Variants in MUC6 observed in about 807,000 individuals in gnomAD.
MUC6 encodes the protein mucin 6, oligomeric mucus/gel-forming (gene/pseudogene).
A neutral mutation model predicts 201.5 loss-of-function variants in MUC6; 188 were observed. The observed-to-expected ratio is 0.93, with a 90% CI of 0.83 to 1.05. MUC6 has a LOEUF of 1.05. Among genes scored for constraint, MUC6 ranks in the 50% least tolerant of loss-of-function variants. The probability of loss-of-function intolerance (pLI) is 0.00; values close to 1 mark genes in which losing one functional copy is unlikely to be tolerated. For synonymous variants in MUC6, 1,228 were observed against 1,389.4 expected (o/e 0.88, Z 2.58); for missense variants, 2,706 against 3,256.9 (o/e 0.83, Z 4.12).
At position 1,029,961 on chromosome 11, in the gene MUC6, G is replaced by A. The variant is rs180973649; in HGVS notation, c.1015+252C>T. ...CCCGGCTCAAACCCTGCCTTCCCTC[G>A]GCAGCTCCTAGACCGCAGTGAGCAG... On this transcript the variant is annotated intron_variant, in intron 8 of 32. Coordinates refer to ENST00000421673, the MANE Select transcript of MUC6 (RefSeq NM_005961.3). Among the ~76,000 whole-genome samples, 65 of 152,332 alleles carry A rather than the reference G, an allele frequency of 4.3e-4. 1 individual carries two copies. In the East Asian group the frequency reaches 0.012, roughly 28 times the overall value.
Position 1,031,882 on chromosome 11 carries a change from C to T in MUC6, c.287G>A (p.Arg96Gln), listed in dbSNP as rs750901463. Residue 96 changes from arginine to glutamine, a missense_variant, in exon 3 of 33, where the codon CGG (arginine) becomes CAG (glutamine). Transcript: ENST00000421673. ...GGAGGCCCCCAGCTCCACGATGATC[C>T]GCGAGATGCTCCCGTCTGGGCCTCG... is the stretch of plus-strand genomic sequence containing the variant. ...LRRGPDGSIS[R>Q]IIVELGASVV... is the part of the protein sequence containing the mutation. 2.9e-5 allele frequency: 47 copies of T among 1,612,876 alleles called. No individual in the cohort carries two copies. The highest frequency in any genetic ancestry group is 3.5e-5 in the Non-Finnish European group (41 of 1,179,890).
At chr11:1,014,042 A>G (rs1856544553) in intron 31 of MUC6, 41 bp from the exon 32 acceptor site, 7 of 1,539,764 alleles carry the variant, frequency 4.5e-6, no homozygotes, top group Non-Finnish European at 6.2e-6. Flanking sequence ...CAGGGTGGGC[A>G]TGGAGCGAGG....
In MUC6 at chr11:1,018,531, C is replaced by T; in HGVS notation, c.4270G>A (p.Ala1424Thr). Residue 1424 changes from alanine (A) to threonine (T), a missense_variant, in exon 31 of 33, where the codon GCA becomes ACA. Ala to Thr is a moderately conservative substitution (Grantham distance 58). Coordinates refer to ENST00000421673, the MANE Select transcript of MUC6 (RefSeq NM_005961.3). ...GTAGTGGTGGCATGGAAAGATGTTG[C>T]AGTGACAGGACCTGTGGAAGGGACG... ...SPVPSTGPVT[A>T]TSFHATTTYP... 2 of 1,613,704 alleles carry T rather than the reference C, an allele frequency of 1.2e-6. No homozygotes were observed. The highest frequency in any genetic ancestry group is 1.7e-6 in the Non-Finnish European group (2 of 1,179,756).
Position 1,031,843 on chromosome 11 carries a change from C to T in MUC6, c.326G>A (p.Ser109Asn). 6.2e-7 allele frequency: 1 copy of T among 1,611,682 alleles called. No homozygotes were observed. Among genetic ancestry groups the T allele is most frequent in the Non-Finnish European group, 8.5e-7 (1 of 1,179,498 alleles). The change falls in exon 3 of 33, where the codon AGC becomes AAC. Residue 109 changes from serine to asparagine, a missense_variant. Physicochemically the swap from Ser to Asn is conservative, Grantham distance 46. Coordinates refer to ENST00000421673, the MANE Select transcript of MUC6 (RefSeq NM_005961.3). ...VELGASVVTV[S>N]EAIISVKDIG... ...GTCCTTGACTGAGATGATGGCTTCG[C>T]TCACAGTGACGACGGAGGCCCCCAG...
At position 1,028,646 on chromosome 11, in the gene MUC6, C is replaced by G; in HGVS notation, c.1591G>C (p.Gly531Arg). 6.2e-7 allele frequency: 1 copy of G among 1,607,530 alleles called. No homozygotes were observed. Among genetic ancestry groups the G allele is most frequent in the Non-Finnish European group, 8.5e-7 (1 of 1,177,732 alleles). Residue 531 changes from glycine to arginine, a missense_variant and splice_region_variant, in exon 13 of 33, where the codon GGG (glycine) becomes CGG (arginine). Coordinates refer to ENST00000421673, the MANE Select transcript of MUC6 (RefSeq NM_005961.3). ...VGPQFRGQTR[G>R]LCGNFNGDTT... Reference sequence around the variant, plus strand: ...GCCACCTGGAGAGGCAGGGACTCACCTCTGGTCTGACCTCTGAACTGGGGC... The same window carrying G: ...GCCACCTGGAGAGGCAGGGACTCACGTCTGGTCTGACCTCTGAACTGGGGC...
intron 3 of MUC6, 31 bp from the exon 4 acceptor site, chr11:1,031,764 C>T (rs1334385726): frequency 7.7e-6 from 12 of 1,551,036 alleles, no homozygotes; most frequent in Non-Finnish European, 4.4e-6. Context: ...GTGGTCGATC[C>T]TCAGTCCTCC....
chr11:1,022,089 A>C (rs1406348636), intron 26 of MUC6, among the ~76,000 whole-genome samples: 27 of 78,416 alleles, frequency 3.4e-4, no homozygotes, highest in African/African-American at 6.9e-4. Flanking sequence ...CGCGCCTCTC[A>C]CTCGCTCCCT....
At chr11:1,021,139 G>T (rs1289208795) in intron 27 of MUC6, 76 bp downstream of exon 27, 2 of 1,382,584 alleles carry the variant, frequency 1.4e-6, no homozygotes, top group Non-Finnish European at 1.9e-6. Context: ...TCTCTCCCTT[G>T]TTTGTGGGAT....
At chr11:1,013,828 C>T (rs1414619759) in intron 32 of MUC6, 71 bp downstream of exon 32, 4 of 1,509,166 alleles carry the variant, frequency 2.7e-6, no homozygotes, top group African/African-American at 1.4e-5. Context: ...GGTGGGGTGC[C>T]CGAACCTCTC....
chr11:1,021,094 C>T (rs1856794733), intron 27 of MUC6, 121 bp downstream of exon 27: 1 of 994,058 alleles, frequency 1.0e-6, no homozygotes, highest in Non-Finnish European at 1.4e-6. Context: ...AGTGGAGTCC[C>T]AGAGCTCACG....
chr11:1,025,586 C>T (rs956360502), intron 22 of MUC6, among the ~76,000 whole-genome samples: 3 of 152,176 alleles, frequency 2.0e-5, no homozygotes, highest in Admixed American at 6.5e-5. Flanking sequence ...CCCCTCTGCC[C>T]GGGAGACATT....
intron 1 of MUC6, among the ~76,000 whole-genome samples, chr11:1,034,731 G>A (rs553901239): frequency 5.3e-5 from 8 of 152,286 alleles, no homozygotes; most frequent in African/African-American, 1.4e-4. Context: ...CTTGGGGGCC[G>A]TCCCCGCTGT....
Position 1,013,975 on chromosome 11 carries a change from C to T in MUC6, c.7066G>A (p.Glu2356Lys). The T allele has an allele frequency of 6.2e-7, 1 of 1,608,742 alleles. No individual in the cohort carries two copies. ...ATGCACCCCTTGAACGTGATCTCCT[C>T]CTGCTGCTCCCGCACACTGCAGACC... ...PGVCSVREQQ[E>K]EITFKGCMAN... The change falls in exon 32 of 33, where the codon GAG (glutamate) becomes AAG (lysine). Residue 2356 changes from glutamate (E) to lysine (K), a missense_variant. Physicochemically the swap from Glu to Lys is moderately conservative, Grantham distance 56 (BLOSUM62 1). Transcript: ENST00000421673.
rs147913342 is a variant in MUC6 at position 1,016,605 on chromosome 11, C to T, written c.6196G>A (p.Val2066Met). 6 of 364,198 alleles carry T rather than the reference C, an allele frequency of 1.6e-5. No homozygotes were observed. The highest frequency in any genetic ancestry group is 2.1e-5 in the Non-Finnish European group (5 of 233,728). 22.6% of individuals were successfully genotyped at this position (364,198 alleles called of 1,614,324 possible). The change falls in exon 31 of 33, where the codon GTG (valine) becomes ATG (methionine). Residue 2066 changes from valine (V) to methionine (M), a missense_variant. Val to Met is a conservative substitution (Grantham distance 21). Coordinates refer to ENST00000421673, the MANE Select transcript of MUC6 (RefSeq NM_005961.3). Reference sequence around the variant, plus strand: ...GTTTGGCTGGTCCCACTGGTGGTCACTGTCATTGGTGGGGCTGTGTGGGTG... The same window carrying T: ...GTTTGGCTGGTCCCACTGGTGGTCATTGTCATTGGTGGGGCTGTGTGGGTG... The part of the protein sequence containing the change: ...GSTHTAPPMT[V>M]TTSGTSQTHS...
chr11:1,014,035 G>C lies in MUC6; in HGVS notation c.7040-34C>G, dbSNP rs1856544246. The C allele has an allele frequency of 6.4e-6, 10 of 1,557,668 alleles. No homozygotes were observed. The East Asian group carries it at 2.3e-4, about 36-fold the overall frequency. ...CGAGTGGACGGTCAGCAGCGCCCAG[G>C]GTGGGCATGGAGCGAGGAGGGAGGG... On this transcript the variant is annotated intron_variant, in intron 31 of 32. Transcript: ENST00000421673.
chr11:1,034,966 C>G (rs910281685), intron 1 of MUC6, among the ~76,000 whole-genome samples: 1 of 152,248 alleles, frequency 6.6e-6, no homozygotes, highest in Non-Finnish European at 1.5e-5. Flanking sequence ...CTGTGCTTCC[C>G]CTCGGCTGAT....
intron 2 of MUC6, 35 bp from the exon 3 acceptor site, chr11:1,032,088 C>G (rs563499425): frequency 6.2e-7 from 1 of 1,603,306 alleles, no homozygotes; most frequent in African/African-American, 1.3e-5. Context: ...AGCCCTGTGT[C>G]CCCACCATCC....
In MUC6 at chr11:1,016,389, G is replaced by A. The variant is rs373483883; in HGVS notation, c.6412C>T (p.Pro2138Ser). The change falls in exon 31 of 33, where the codon CCC (proline) becomes TCC (serine). Residue 2138 changes from proline to serine, a missense_variant. By Grantham distance (74) the Pro-to-Ser change is moderately conservative. This residue lies in a region of MUC6 where 586 missense variants were observed against 488.0 expected (regional missense o/e 1.20). Coordinates refer to ENST00000421673, the MANE Select transcript of MUC6 (RefSeq NM_005961.3). ...SSSFSPSPSA[P>S]STVSSYVPSS... The stretch of plus-strand genomic sequence containing the variant: ...GGCACATAAGAAGAAACAGTAGAGG[G>A]GGCAGAAGGACTGGGAGAAAATGAG... The A allele has an allele frequency of 6.2e-6, 10 of 1,613,070 alleles. No homozygotes were observed. Among genetic ancestry groups the A allele is most frequent in the South Asian group, 3.3e-5 (3 of 91,020 alleles).
rs776107253 is a variant in MUC6 at position 1,015,960 on chromosome 11, G to A, written c.6841C>T (p.Pro2281Ser). Residue 2281 changes from proline (P) to serine (S), a missense_variant, in exon 31 of 33, where the codon CCC becomes TCC. Around this residue, in one of 10 missense-constraint regions of MUC6, gnomAD observed 586 missense variants for 488.0 expected, o/e 1.20. Transcript: ENST00000421673. ...GTGAGTGACACAAAGCCTGATGTGG[G>A]AACTCGGGTGGTGAGAGAAGTGGAC... ...SRSTSLTTRV[P>S]TSGFVSLTSG... The A allele has an allele frequency of 1.3e-6, 2 of 1,592,662 alleles. No individual in the cohort carries two copies. The highest frequency in any genetic ancestry group is 1.7e-6 in the Non-Finnish European group (2 of 1,166,624).
Sources: gnomAD v4.1 joint callset for allele counts (sites outside exome capture counted in the v4.1 genomes callset) on GRCh38, gnomAD v4.1.1 for gene constraint, gnomAD v4.1.1 regional missense constraint, MANE v1.5 for transcripts, NCBI Gene and HGNC (gene_info 2026-07-23, HGNC 2026-07-21) for gene names.